CRPPA: variants seen among roughly 807,000 people sequenced by gnomAD.
CRPPA encodes CDP-L-ribitol pyrophosphorylase A, also known as D-ribitol-5-phosphate cytidylyltransferase.
Under a neutral mutation model 52.0 loss-of-function variants are expected in CRPPA, and 43 were observed. The ratio of observed to expected loss-of-function variants is 0.83; its 90% CI spans 0.65 to 1.07. CRPPA has a LOEUF of 1.07. CRPPA is among the 50% of genes least tolerant of loss of function. CRPPA has a pLI of 0.00. For synonymous variants in CRPPA, 250 were observed against 203.5 expected, an observed-to-expected ratio of 1.23 and a Z score of -1.94; for missense variants, 629 against 551.7, an observed-to-expected ratio of 1.14 and a Z score of -1.40.
intron 9 of CRPPA, among the ~76,000 whole-genome samples, chr7:16,117,981 G>A (rs915864989): frequency 6.6e-6 from 1 of 152,168 alleles, no homozygotes; most frequent in Non-Finnish European, 1.5e-5. Flanking sequence ...TGTCAAGATG[G>A]TAAGAAGCTT....
At chr7:16,236,664 G>C (rs1432895953) in intron 8 of CRPPA, among the ~76,000 whole-genome samples, 1 of 151,936 alleles carries the variant, frequency 6.6e-6, no homozygotes, top group Non-Finnish European at 1.5e-5. Flanking sequence ...ATATAAGCCT[G>C]GTAATATTCT....
chr7:16,216,685 C>T (rs1202481657), intron 8 of CRPPA: 3 of 154,246 alleles, frequency 1.9e-5, no homozygotes, highest in African/African-American at 4.8e-5. Context: ...GTGACAGACG[C>T]ACCTGGAAAA....
chr7:16,256,125 G>C (rs963254756), intron 8 of CRPPA, among the ~76,000 whole-genome samples: 10 of 152,116 alleles, frequency 6.6e-5, no homozygotes, highest in African/African-American at 2.2e-4. Flanking sequence ...CATAAAAAAT[G>C]GGTGAAAGAT....
At chr7:16,414,350 AACACACACACACAC>A (rs3085030) in intron 1 of CRPPA, among the ~76,000 whole-genome samples, 2,612 of 138,736 alleles carry the variant, frequency 0.019, 69 homozygotes, top group African/African-American at 0.054. Context: ...CCCCTACCCC[AACACACACACACAC>A]ACACACACAC....
At chr7:16,228,543 A>T (rs1782710270) in intron 8 of CRPPA, among the ~76,000 whole-genome samples, 1 of 151,886 alleles carries the variant, frequency 6.6e-6, no homozygotes, top group Non-Finnish European at 1.5e-5. Context: ...ATAACTTTAA[A>T]TTCTTCATTG....
intron 8 of CRPPA, among the ~76,000 whole-genome samples, chr7:16,225,144 G>A (rs1782614746): frequency 6.6e-6 from 1 of 151,912 alleles, no homozygotes; most frequent in South Asian, 2.1e-4. Flanking sequence ...GAATTAAAAA[G>A]TAAATGAGTT....
intron 9 of CRPPA, among the ~76,000 whole-genome samples, chr7:16,168,545 A>G (rs76789631): frequency 6.8e-6 from 1 of 146,526 alleles, no homozygotes; most frequent in Non-Finnish European, 1.5e-5. Context: ...ACACACACAC[A>G]CACACACACA....
intron 9 of CRPPA, among the ~76,000 whole-genome samples, chr7:16,153,453 C>A (rs1474367117): frequency 1.3e-5 from 2 of 151,912 alleles, no homozygotes; most frequent in Non-Finnish European, 2.9e-5. Context: ...ACAATATTAC[C>A]TTTTAGAGAA....
intron 3 of CRPPA, among the ~76,000 whole-genome samples, chr7:16,321,493 A>G (rs1035955723): frequency 1.3e-5 from 2 of 152,168 alleles, no homozygotes; most frequent in Admixed American, 6.5e-5. Context: ...ACCCCAAAGG[A>G]AAGGTGTGGT....
At chr7:16,217,414 AC>A (rs1260938493) in intron 8 of CRPPA, among the ~76,000 whole-genome samples, 1 of 149,702 alleles carries the variant, frequency 6.7e-6, no homozygotes, top group Non-Finnish European at 1.5e-5. Context: ...GCAGTTCCTC[AC>A]CAGCAACGGA....
intron 4 of CRPPA, among the ~76,000 whole-genome samples, chr7:16,305,007 A>T (rs536184192): frequency 7.9e-4 from 120 of 152,248 alleles, no homozygotes; most frequent in African/African-American, 2.6e-3. Flanking sequence ...ATTTTTTTTT[A>T]AAAGGCAGCA....
rs1159895099 is a variant in CRPPA at position 16,089,805 on chromosome 7, T to A, written c.*1890A>T. 5.8e-6 allele frequency: 1 copy of A among 173,548 alleles called. No individual in the cohort carries two copies. Among genetic ancestry groups the A allele is most frequent in the African/African-American group, 2.4e-5 (1 of 42,036 alleles). The allele number at this position is 173,548 out of a possible 1,614,324, so 10.8% of individuals were successfully genotyped here. A position where few individuals can be genotyped will look rare whatever the true frequency, so the allele number is the denominator to read the frequency against. On this transcript the variant is annotated 3_prime_UTR_variant, in exon 10 of 10. Transcript: ENST00000407010. ...GATAAATTCTTGTCTGCTGTAGGAT[T>A]CCTTAAGCTGAAGTCTATGTTAACT...
intron 8 of CRPPA, among the ~76,000 whole-genome samples, chr7:16,216,995 G>C (rs1169080686): frequency 6.6e-6 from 1 of 152,048 alleles, no homozygotes; most frequent in African/African-American, 2.4e-5. Flanking sequence ...GCAGGGCACA[G>C]ACAAACAAAA....
chr7:16,196,076 A>G (rs557158149), intron 9 of CRPPA, among the ~76,000 whole-genome samples: 90 of 152,242 alleles, frequency 5.9e-4, no homozygotes, highest in Non-Finnish European at 8.5e-4. Context: ...TTGTACATGT[A>G]TATATGTAGT....
At chr7:16,411,317 T>G (rs1788072398) in intron 1 of CRPPA, among the ~76,000 whole-genome samples, 1 of 152,160 alleles carries the variant, frequency 6.6e-6, no homozygotes, top group Non-Finnish European at 1.5e-5. Context: ...AACTTTAGCC[T>G]CTGTAAATAA....
intron 5 of CRPPA, among the ~76,000 whole-genome samples, chr7:16,298,275 A>C (rs529679281): frequency 6.6e-6 from 1 of 152,304 alleles, no homozygotes; most frequent in South Asian, 2.1e-4. Flanking sequence ...TCCAAATTCT[A>C]AGACATATAT....
intron 9 of CRPPA, among the ~76,000 whole-genome samples, chr7:16,125,098 A>G (rs2128371032): frequency 6.6e-6 from 1 of 151,580 alleles, no homozygotes. Context: ...CATCTCTACT[A>G]AAAATACAAA....
At chr7:16,245,105 T>C (rs1016993730) in intron 8 of CRPPA, among the ~76,000 whole-genome samples, 1 of 151,548 alleles carries the variant, frequency 6.6e-6, no homozygotes. Context: ...TCCAGAAAAG[T>C]TAATTCAGAC....
rs375630112 is a variant in CRPPA, at chr7:16,134,375, G to A, written c.1252-42576C>T. ...AGCCTGTTAGAACCTAATGATAAAT[G>A]TAATACACTTGAATCATCCTGAAAC... is the stretch of plus-strand genomic sequence containing the variant. On this transcript the variant is annotated intron_variant, in intron 9 of 9. Transcript: ENST00000407010. Among the ~76,000 whole-genome samples, 4 of 66,776 alleles carry A rather than the reference G, an allele frequency of 6.0e-5. 2 individuals are homozygous for A. In the East Asian group the frequency reaches 4.5e-3, roughly 75 times the overall value. The allele number at this position is 66,776 out of a possible 152,430, so 43.8% of individuals were successfully genotyped here.
Sources: gnomAD v4.1 joint callset for allele counts (sites outside exome capture counted in the v4.1 genomes callset) on GRCh38, gnomAD v4.1.1 for gene constraint, MANE v1.5 for transcripts, NCBI Gene and HGNC (gene_info 2026-07-23, HGNC 2026-07-21) for gene names.